Variants in TRAF5 observed in about 807,000 individuals in gnomAD.
TRAF5 encodes TNF receptor associated factor 5.
Under a neutral mutation model 64.5 loss-of-function variants are expected in TRAF5, and 48 were observed. The ratio of observed to expected loss-of-function variants is 0.74; its 90% CI spans 0.59 to 0.95. TRAF5 has a LOEUF of 0.95. Ranked by LOEUF, TRAF5 falls within the 40% of genes least tolerant of loss-of-function variation. The pLI is 0.00. For synonymous variants in TRAF5, 206 were observed against 240.5 expected (o/e 0.86, Z 1.33); for missense variants, 545 against 662.8 (o/e 0.82, Z 1.95).
At chr1:211,342,868 A>G (rs1390200884) in intron 1 of TRAF5, among the ~76,000 whole-genome samples, 1 of 152,222 alleles carries the variant, frequency 6.6e-6, no homozygotes, top group Non-Finnish European at 1.5e-5. Flanking sequence ...GTGTATAGGT[A>G]CCACATGTTC....
chr1:211,334,386 C>T (rs535092912), intron 1 of TRAF5, among the ~76,000 whole-genome samples: 5 of 152,316 alleles, frequency 3.3e-5, no homozygotes, highest in South Asian at 2.1e-4. Context: ...TGGCTGGGCG[C>T]GGTGGCTCAT....
At chr1:211,357,951 A>G (rs960383076) in intron 4 of TRAF5, 1 of 152,196 alleles carries the variant, frequency 6.6e-6, no homozygotes, top group Non-Finnish European at 1.5e-5. Flanking sequence ...CCCATTTTAG[A>G]GGCAAAGCAG....
chr1:211,367,474 C>G (rs545913562), intron 8 of TRAF5, among the ~76,000 whole-genome samples: 1 of 152,306 alleles, frequency 6.6e-6, no homozygotes, highest in African/African-American at 2.4e-5. Flanking sequence ...CAATGCCTAA[C>G]ACATAATAAG....
At chr1:211,341,750 C>T (rs1702453193) in intron 1 of TRAF5, among the ~76,000 whole-genome samples, 1 of 152,188 alleles carries the variant, frequency 6.6e-6, no homozygotes, top group African/African-American at 2.4e-5. Context: ...AATTTGGGCC[C>T]ATGTGCTGCA....
In TRAF5 at chr1:211,372,777, A is replaced by C. The variant is rs1703582247; in HGVS notation, c.*75A>C. 1.5e-6 allele frequency: 2 copies of C among 1,342,450 alleles called. No individual in the cohort carries two copies. Among genetic ancestry groups the C allele is most frequent in the Non-Finnish European group, 2.1e-6 (2 of 963,712 alleles). 83.2% of individuals were successfully genotyped at this position (1,342,450 alleles called of 1,614,324 possible). A position where few individuals can be genotyped will look rare whatever the true frequency, so the allele number is the denominator to read the frequency against. ...GAGAGCACATTTGATTATCATATTG[A>C]CCTGGATTTAGACTCAAAGCACATT... On this transcript the variant is annotated 3_prime_UTR_variant, in exon 11 of 11. Transcript: ENST00000261464.
In TRAF5 at chr1:211,331,258, T is replaced by TTAATACA. The variant is rs2102707715; in HGVS notation, c.-2+4372_-2+4378dup. On this transcript the variant is annotated intron_variant, in intron 1 of 10. Coordinates refer to ENST00000261464, the MANE Select transcript of TRAF5 (RefSeq NM_001033910.3). ...TTCATGCTGCTGCAGAGGGGCCTCTTTAATACATAGCCTAGTCAAAACCTT... is the reference window on the plus strand; with the variant it reads ...TTCATGCTGCTGCAGAGGGGCCTCTTTAATACATAATACATAGCCTAGTCAAAACCTT... Among the ~76,000 whole-genome samples, 2 of 152,336 alleles carry TTAATACA rather than the reference T, an allele frequency of 1.3e-5. 1 individual carries two copies. Among genetic ancestry groups the TTAATACA allele is most frequent in the East Asian group, 3.9e-4 (2 of 5,186 alleles).
At chr1:211,352,848 G>A (rs770182853) in intron 1 of TRAF5, among the ~76,000 whole-genome samples, 35 of 152,080 alleles carry the variant, frequency 2.3e-4, no homozygotes, top group African/African-American at 6.3e-4. Flanking sequence ...CAAAACCTGT[G>A]TTTCCATTCT....
chr1:211,336,849 G>C (rs1415094709), intron 1 of TRAF5, among the ~76,000 whole-genome samples: 1 of 152,180 alleles, frequency 6.6e-6, no homozygotes, highest in African/African-American at 2.4e-5. Context: ...TGGTAGAGAC[G>C]GGTTTCACCA....
At chr1:211,353,134 A>C in intron 1 of TRAF5, 105 bp from the exon 2 acceptor site, 1 of 1,110,526 alleles carries the variant, frequency 9.0e-7, no homozygotes, top group East Asian at 2.4e-5. Context: ...TGACCATGTG[A>C]ATGATGTACA....
chr1:211,366,314 A>C (rs2102766632), intron 8 of TRAF5, among the ~76,000 whole-genome samples: 1 of 152,336 alleles, frequency 6.6e-6, no homozygotes, highest in South Asian at 2.1e-4. Context: ...TAACTTTGGT[A>C]GAAGGCATGC....
At chr1:211,367,233 C>T (rs910549542) in intron 8 of TRAF5, among the ~76,000 whole-genome samples, 6 of 152,154 alleles carry the variant, frequency 3.9e-5, no homozygotes, top group East Asian at 1.9e-4. Flanking sequence ...CTGCCTCAGC[C>T]GCCCAAAGCG....
chr1:211,360,755 T>C lies in TRAF5; in HGVS notation c.597T>C (p.Cys199=), dbSNP rs749902743. ...PEYPVFCPNN[C]AKIILKTEVD... is the part of the protein sequence containing the mutation. The stretch of plus-strand genomic sequence containing the variant: ...ACCCAGTATTTTGTCCCAACAATTG[T>C]GCGAAGATTATTCTAAAAACTGAGG... Residue 199 remains cysteine (C), a synonymous_variant, in exon 6 of 11, where the codon TGT becomes TGC. Coordinates refer to ENST00000261464, the MANE Select transcript of TRAF5 (RefSeq NM_001033910.3). 1 of 1,613,982 alleles carries C rather than the reference T, an allele frequency of 6.2e-7. No homozygotes were observed. Among genetic ancestry groups the C allele is most frequent in the Non-Finnish European group, 8.5e-7 (1 of 1,179,890 alleles).
intron 1 of TRAF5, 141 bp from the exon 2 acceptor site, chr1:211,353,098 A>G (rs1702844979): frequency 1.2e-6 from 1 of 846,816 alleles, no homozygotes; most frequent in African/African-American, 1.7e-5. Flanking sequence ...GGAGGTTGTC[A>G]CTGTTGTTTC....
rs141683251 is a variant in TRAF5, at chr1:211,356,622, T to C, written c.378+154T>C. ...AGTCTAGCAATACAGGTGGCTACAG[T>C]GCTGTAGCCCACCTACGGCTGAGGT... On this transcript the variant is annotated intron_variant, in intron 4 of 10. Transcript: ENST00000261464. 8.3e-4 allele frequency: 533 copies of C among 642,246 alleles called. 4 individuals carry two copies. In the African/African-American group the frequency reaches 9.2e-3, roughly 11 times the overall value. 39.8% of individuals were successfully genotyped at this position (642,246 alleles called of 1,614,324 possible). A position where few individuals can be genotyped will look rare whatever the true frequency, so the allele number is the denominator to read the frequency against.
rs933355930 is a variant in TRAF5 at position 211,374,767 on chromosome 1, A to G, written c.*2065A>G. ...CTTTTAAGTAGTTGATGTGGAAAAC[A>G]TTTTAAAGTGAATTTGTCAAAATGC... On this transcript the variant is annotated 3_prime_UTR_variant, in exon 11 of 11. Coordinates refer to ENST00000261464, the MANE Select transcript of TRAF5 (RefSeq NM_001033910.3). 2 of 152,214 alleles carry G rather than the reference A, an allele frequency of 1.3e-5. No individual in the cohort carries two copies. Among genetic ancestry groups the G allele is most frequent in the African/African-American group, 4.8e-5 (2 of 41,448 alleles). The allele number at this position is 152,214 out of a possible 1,614,324, so 9.4% of individuals were successfully genotyped here. A position where few individuals can be genotyped will look rare whatever the true frequency, so the allele number is the denominator to read the frequency against.
Position 211,373,283 on chromosome 1 carries a change from C to G in TRAF5, c.*581C>G, listed in dbSNP as rs1703596132. ...ATGAAATTCACCAGCAGTTTGCAAG[C>G]ACAGTTTTGCAAGGCTGCATAAGAA... On this transcript the variant is annotated 3_prime_UTR_variant, in exon 11 of 11. Coordinates refer to ENST00000261464, the MANE Select transcript of TRAF5 (RefSeq NM_001033910.3). 1.3e-5 allele frequency: 2 copies of G among 152,390 alleles called. No individual in the cohort carries two copies. Among genetic ancestry groups the G allele is most frequent in the South Asian group, 4.1e-4 (2 of 4,822 alleles). The allele number at this position is 152,390 out of a possible 1,614,324, so 9.4% of individuals were successfully genotyped here.
Position 211,359,925 on chromosome 1 carries a change from A to G in TRAF5, c.392A>G (p.Gln131Arg). 1 of 1,613,996 alleles carries G rather than the reference A, an allele frequency of 6.2e-7. No homozygotes were observed. The highest frequency in any genetic ancestry group is 1.1e-5 in the South Asian group (1 of 91,074). Residue 131 changes from glutamine (Q) to arginine (R), a missense_variant, in exon 5 of 11, where the codon CAG becomes CGG. By Grantham distance (43) the Gln-to-Arg change is conservative. Coordinates refer to ENST00000261464, the MANE Select transcript of TRAF5 (RefSeq NM_001033910.3). ...TATCTGTTGCAGGATCACCTTCAGC[A>G]GTGCTTATTTCAACCTGTGCAGTGT... ...ILGRYQDHLQQCLFQPVQCSN... is the reference protein window; with the variant it reads ...ILGRYQDHLQRCLFQPVQCSN...
At position 211,374,753 on chromosome 1, in the gene TRAF5, T is replaced by C. The variant is rs1703641785; in HGVS notation, c.*2051T>C. The stretch of plus-strand genomic sequence containing the variant: ...TATTGCTGTAACTTCTTTTAAGTAG[T>C]TGATGTGGAAAACATTTTAAAGTGA... On this transcript the variant is annotated 3_prime_UTR_variant, in exon 11 of 11. Transcript: ENST00000261464. 6.6e-6 allele frequency: 1 copy of C among 152,226 alleles called. No homozygotes were observed. The highest frequency in any genetic ancestry group is 1.5e-5 in the Non-Finnish European group (1 of 68,042). The allele number at this position is 152,226 out of a possible 1,614,324, so 9.4% of individuals were successfully genotyped here.
At chr1:211,359,250 G>A (rs530893618) in intron 4 of TRAF5, 2 of 152,108 alleles carry the variant, frequency 1.3e-5, no homozygotes, top group Non-Finnish European at 2.9e-5. Flanking sequence ...GCCACCACAC[G>A]TGGCCAATAA....
Sources: gnomAD v4.1 joint callset for allele counts (sites outside exome capture counted in the v4.1 genomes callset) on GRCh38, gnomAD v4.1.1 for gene constraint, MANE v1.5 for transcripts, NCBI Gene and HGNC (gene_info 2026-07-23, HGNC 2026-07-21) for gene names.